PLAT: variants seen among roughly 807,000 people sequenced by gnomAD.
PLAT encodes plasminogen activator, tissue type.
Under a neutral mutation model 74.9 loss-of-function variants are expected in PLAT, and 48 were observed. That is an observed-to-expected ratio of 0.64 (90% CI 0.51 to 0.82). The LOEUF is 0.82. Among genes scored for constraint, PLAT ranks in the 40% least tolerant of loss-of-function variants. The pLI is 0.00. For synonymous variants in PLAT, 307 were observed against 294.4 expected (o/e 1.04, Z -0.44); for missense variants, 673 against 736.2 (o/e 0.91, Z 0.99).
chr8:42,181,615 C>G (rs571923096), intron 9 of PLAT, among the ~76,000 whole-genome samples: 1 of 152,158 alleles, frequency 6.6e-6, no homozygotes, highest in East Asian at 1.9e-4. Context: ...GCCATGCATG[C>G]GAGGCCTCCT....
In PLAT at chr8:42,187,391, C is replaced by T. The variant is rs746626462; in HGVS notation, c.539+7G>A. ...GGGGGAATCCCTCCTTGGGGATGTG[C>T]CCTCACCTGCAGTAGTTGTGGTTCC... On this transcript the variant is annotated splice_region_variant and intron_variant, in intron 6 of 13. Transcript: ENST00000220809. 7 of 1,568,036 alleles carry T rather than the reference C, an allele frequency of 4.5e-6. No individual in the cohort carries two copies. The highest frequency in any genetic ancestry group is 6.0e-6 in the Non-Finnish European group (7 of 1,158,238).
Position 42,189,027 on chromosome 8 carries a change from G to T in PLAT, c.160C>A (p.Gln54Lys). The part of the protein sequence containing the change: ...EKTQMIYQQH[Q>K]SWLRPVLRSN... ...CTGAGCACAGGGCGCAGCCATGACT[G>T]ATGTTGCTGGTATATCATCTGCGTT... The change falls in exon 4 of 14, where the codon CAG becomes AAG. Residue 54 changes from glutamine (Q) to lysine (K), a missense_variant. Transcript: ENST00000220809. The T allele has an allele frequency of 6.2e-7, 1 of 1,613,916 alleles. No individual in the cohort carries two copies. The highest frequency in any genetic ancestry group is 1.6e-4 in the Middle Eastern group (1 of 6,062).
chr8:42,195,844 C>T (rs1018494988), intron 1 of PLAT: 1 of 152,140 alleles, frequency 6.6e-6, no homozygotes, highest in Admixed American at 6.6e-5. Flanking sequence ...AAGCAAGACC[C>T]AAGGATGGTG....
At chr8:42,184,979 C>T in intron 7 of PLAT, 102 bp downstream of exon 7, 1 of 709,584 alleles carries the variant, frequency 1.4e-6, no homozygotes, top group Non-Finnish European at 2.3e-6. Context: ...CACTCCTGGC[C>T]TCCCCCTTTC....
chr8:42,182,201 G>A, intron 8 of PLAT, 179 bp from the exon 9 acceptor site: 1 of 498,144 alleles, frequency 2.0e-6, no homozygotes, highest in Non-Finnish European at 3.6e-6. Context: ...CAGGCCAGGA[G>A]TTTAAGATTT....
chr8:42,187,810 C>G, intron 5 of PLAT, 96 bp downstream of exon 5: 1 of 919,570 alleles, frequency 1.1e-6, no homozygotes, highest in South Asian at 1.5e-5. Flanking sequence ...GGCCCCCACC[C>G]CTGGCCCTGC....
At chr8:42,200,632 A>G (rs1045942318) in intron 1 of PLAT, among the ~76,000 whole-genome samples, 72 of 150,150 alleles carry the variant, frequency 4.8e-4, no homozygotes, top group Admixed American at 2.4e-3. Flanking sequence ...AGCTGTGATC[A>G]TACCACTGCA....
At chr8:42,194,239 AGAGT>A (rs1311161763) in intron 1 of PLAT, among the ~76,000 whole-genome samples, 37 of 106,248 alleles carry the variant, frequency 3.5e-4, no homozygotes, top group South Asian at 6.4e-4. Context: ...AGAGAGAGAG[AGAGT>A]GTGTGTGTGT....
chr8:42,187,611 C>T, intron 5 of PLAT, 39 bp from the exon 6 acceptor site: 1 of 1,537,656 alleles, frequency 6.5e-7, no homozygotes, highest in Non-Finnish European at 8.8e-7. Context: ...ACATGGGAGT[C>T]CCCTTTCATT....
Position 42,180,243 on chromosome 8 carries a change from A to G in PLAT, c.1221T>C (p.Ile407=), listed in dbSNP as rs528828208. The stretch of plus-strand genomic sequence containing the variant: ...GAGCCGGGAATGACGAGCTCTTACC[A>G]ATGTCATTGTCGTAAGTGTCATCAT... ...EFDDDTYDND[I]ALLQLKSDSS... Residue 407 remains isoleucine, a splice_region_variant and synonymous_variant, in exon 11 of 14, where the codon ATT becomes ATC. Transcript: ENST00000220809. 5.6e-6 allele frequency: 9 copies of G among 1,614,174 alleles called. No individual in the cohort carries two copies. In the Admixed American group the frequency reaches 1.5e-4, roughly 27 times the overall value.
At position 42,191,270 on chromosome 8, in the gene PLAT, G is replaced by A. The variant is rs1228968576; in HGVS notation, c.115+102C>T. On this transcript the variant is annotated intron_variant, in intron 3 of 13. Transcript: ENST00000220809. ...CAATGGCACTGTCACACCGTAGGCA[G>A]GTGGTGGGTGGAAGAAGGCAGGTGG... is the stretch of plus-strand genomic sequence containing the variant. 5.6e-6 allele frequency: 5 copies of A among 889,486 alleles called. No individual in the cohort carries two copies. In the Admixed American group the frequency reaches 8.6e-5, roughly 15 times the overall value. The allele number at this position is 889,486 out of a possible 1,614,324, so 55.1% of individuals were successfully genotyped here. A position where few individuals can be genotyped will look rare whatever the true frequency, so the allele number is the denominator to read the frequency against.
chr8:42,192,002 C>CT (rs1177070988), intron 2 of PLAT, among the ~76,000 whole-genome samples: 5,567 of 127,144 alleles, frequency 0.044, 158 homozygotes, highest in Non-Finnish European at 0.053. Context: ...TTGCCTTTTT[C>CT]TTTTTTTTTT....
In PLAT at chr8:42,202,853, C is replaced by T. The variant is rs192374689; in HGVS notation, c.-27+4641G>A. On this transcript the variant is annotated intron_variant, in intron 1 of 13. Coordinates refer to ENST00000220809, the MANE Select transcript of PLAT (RefSeq NM_000930.5). The stretch of plus-strand genomic sequence containing the variant: ...CTTTCTGGAATGCATAACACAGAAG[C>T]TGTTCCGGGAACACACGAAGGAGTT... 2.0e-5 allele frequency among the ~76,000 whole-genome samples: 3 copies of T among 152,240 alleles called. No homozygotes were observed. The East Asian group carries it at 5.8e-4, about 29-fold the overall frequency.
chr8:42,183,782 G>T (rs1481336492), intron 7 of PLAT, among the ~76,000 whole-genome samples: 4 of 152,092 alleles, frequency 2.6e-5, no homozygotes, highest in Non-Finnish European at 4.4e-5. Flanking sequence ...AGACCATGGG[G>T]GATGGGGAGG....
intron 5 of PLAT, 63 bp downstream of exon 5, chr8:42,187,843 C>G: frequency 8.5e-7 from 1 of 1,172,224 alleles, no homozygotes; most frequent in East Asian, 2.3e-5. Flanking sequence ...CCTTTCCTTC[C>G]GGGGGCGGGG....
intron 7 of PLAT, among the ~76,000 whole-genome samples, chr8:42,184,166 C>T (rs989122106): frequency 3.3e-5 from 5 of 151,988 alleles, no homozygotes; most frequent in African/African-American, 4.8e-5. Flanking sequence ...GTCTCAAACT[C>T]CTGGGCTCAA....
intron 12 of PLAT, 44 bp from the exon 13 acceptor site, chr8:42,179,107 A>T: frequency 6.6e-7 from 1 of 1,510,346 alleles, no homozygotes; most frequent in Non-Finnish European, 9.0e-7. Flanking sequence ...AAAGTTATTT[A>T]TAAACGTTTT....
chr8:42,202,662 T>TAA (rs1806179385), intron 1 of PLAT, among the ~76,000 whole-genome samples: 2 of 152,144 alleles, frequency 1.3e-5, no homozygotes, highest in Non-Finnish European at 2.9e-5. Context: ...GCTCTTATCC[T>TAA]GAAAGAGCTC....
intron 13 of PLAT, among the ~76,000 whole-genome samples, chr8:42,178,285 T>C (rs1045460514): frequency 1.7e-3 from 253 of 150,902 alleles, no homozygotes; most frequent in Non-Finnish European, 2.8e-3. Context: ...TTTTTTTTTT[T>C]TTGAGATCGA....
Sources: gnomAD v4.1 joint callset for allele counts (sites outside exome capture counted in the v4.1 genomes callset) on GRCh38, gnomAD v4.1.1 for gene constraint, MANE v1.5 for transcripts, NCBI Gene and HGNC (gene_info 2026-07-23, HGNC 2026-07-21) for gene names.